The following DAPK1 variants were observed in gnomAD, a reference collection of about 807,000 sequenced individuals.
DAPK1 encodes the protein death associated protein kinase 1.
Under a neutral mutation model 144.9 loss-of-function variants are expected in DAPK1, and 56 were observed. The observed-to-expected ratio is 0.39, with a 90% CI of 0.31 to 0.48. The LOEUF is 0.48. DAPK1 is among the 20% of genes least tolerant of loss of function. The pLI, the probability that DAPK1 is intolerant of heterozygous loss-of-function variation, is 0.95. For synonymous variants in DAPK1, 690 were observed against 749.0 expected, an observed-to-expected ratio of 0.92 and a Z score of 1.29; for missense variants, 1,454 against 1,875.4, an observed-to-expected ratio of 0.78 and a Z score of 4.15.
intron 17 of DAPK1, 96 bp downstream of exon 17, chr9:87,651,820 C>A (rs1211175852): frequency 9.3e-7 from 1 of 1,077,220 alleles, no homozygotes; most frequent in Non-Finnish European, 1.4e-6. Flanking sequence ...ATCCCAGGTC[C>A]TGATTCTGTG....
chr9:87,551,436 G>A (rs547108248), intron 2 of DAPK1, among the ~76,000 whole-genome samples: 10 of 152,288 alleles, frequency 6.6e-5, no homozygotes, highest in South Asian at 6.2e-4. Context: ...GTGAGTCACC[G>A]TGCGCAGCCT....
intron 2 of DAPK1, among the ~76,000 whole-genome samples, chr9:87,573,727 C>T (rs141125417): frequency 1.8e-4 from 27 of 152,284 alleles, no homozygotes; most frequent in African/African-American, 5.1e-4. Context: ...TCCAATACTC[C>T]AAGTGTCCAG....
intron 2 of DAPK1, among the ~76,000 whole-genome samples, chr9:87,587,500 G>A (rs552844787): frequency 2.0e-4 from 31 of 152,170 alleles, no homozygotes; most frequent in Non-Finnish European, 3.5e-4. Context: ...TTTTTTCTGT[G>A]GCTCTCCAAG....
intron 3 of DAPK1, among the ~76,000 whole-genome samples, chr9:87,629,107 T>C (rs1325812549): frequency 2.0e-5 from 3 of 152,242 alleles, no homozygotes; most frequent in Non-Finnish European, 4.4e-5. Context: ...GAGATCATTC[T>C]TCTCATTGGT....
At chr9:87,512,730 G>A (rs932209642) in intron 2 of DAPK1, among the ~76,000 whole-genome samples, 23 of 152,016 alleles carry the variant, frequency 1.5e-4, no homozygotes, top group Admixed American at 7.2e-4. Context: ...TGCAACCTCC[G>A]CCTTCCAGGT....
In DAPK1 at chr9:87,648,887, G is replaced by A. The variant is rs994859020; in HGVS notation, c.1428+8G>A. The A allele has an allele frequency of 1.1e-5, 17 of 1,609,998 alleles. No individual in the cohort carries two copies. Among genetic ancestry groups the A allele is most frequent in the Admixed American group, 5.0e-5 (3 of 60,008 alleles). On this transcript the variant is annotated splice_region_variant and intron_variant, in intron 15 of 25. Transcript: ENST00000408954. The stretch of plus-strand genomic sequence containing the variant: ...CCCAATATCCAGGACAAGGTGGGTC[G>A]TGACTGACATCCTCCCTTCCTCTGC...
chr9:87,579,826 A>G (rs1827688485), intron 2 of DAPK1, among the ~76,000 whole-genome samples: 2 of 152,146 alleles, frequency 1.3e-5, no homozygotes, highest in East Asian at 3.8e-4. Context: ...CCAGCCATCC[A>G]TTCATTCATC....
In DAPK1 at chr9:87,707,721, C is replaced by T; in HGVS notation, c.*357C>T. The T allele has an allele frequency of 7.0e-6, 3 of 426,088 alleles. No individual in the cohort carries two copies. Among genetic ancestry groups the T allele is most frequent in the South Asian group, 5.9e-5 (3 of 51,248 alleles). 26.4% of individuals were successfully genotyped at this position (426,088 alleles called of 1,614,324 possible). A position where few individuals can be genotyped will look rare whatever the true frequency, so the allele number is the denominator to read the frequency against. ...AACTTTTCAATGACATTTTTTTTAACTACTATATTGATTGTCCTTTAAAAA... is the reference window on the plus strand; with the variant it reads ...AACTTTTCAATGACATTTTTTTTAATTACTATATTGATTGTCCTTTAAAAA... On this transcript the variant is annotated 3_prime_UTR_variant, in exon 26 of 26. Coordinates refer to ENST00000408954, the MANE Select transcript of DAPK1 (RefSeq NM_004938.4). This position sits in a 1 kb window ranked among gnomAD's most constrained non-coding sequence, Gnocchi z 4.0.
intron 17 of DAPK1, 63 bp from the exon 18 acceptor site, chr9:87,657,966 G>A (rs760899126): frequency 1.1e-4 from 84 of 732,900 alleles, no homozygotes; most frequent in South Asian, 2.5e-4. Context: ...TTGTGTCTCC[G>A]GAATGTCATC....
At chr9:87,703,375 C>T (rs1001330348) in intron 25 of DAPK1, among the ~76,000 whole-genome samples, 158 bp downstream of exon 25, 6 of 152,246 alleles carry the variant, frequency 3.9e-5, no homozygotes, top group Non-Finnish European at 8.8e-5. Context: ...AACACAGCCT[C>T]AAGTGACGCT....
At position 87,646,504 on chromosome 9, in the gene DAPK1, T is replaced by C; in HGVS notation, c.1175T>C (p.Ile392Thr). ...CTCATTGCTGCTGGCTGTGGGAATA[T>C]TCAAATACTACAGTTGCTCATTAAA... Reference protein sequence around the residue: ...PLLIAAGCGNIQILQLLIKRG... With the variant: ...PLLIAAGCGNTQILQLLIKRG... Residue 392 changes from isoleucine (I) to threonine (T), a missense_variant, in exon 13 of 26, where the codon ATT (isoleucine) becomes ACT (threonine). This residue lies in a region of DAPK1 where 429 missense variants were observed against 637.5 expected (regional missense o/e 0.67). Transcript: ENST00000408954. 1 of 1,614,080 alleles carries C rather than the reference T, an allele frequency of 6.2e-7. No individual in the cohort carries two copies. The highest frequency in any genetic ancestry group is 8.5e-7 in the Non-Finnish European group (1 of 1,179,924).
rs778980206 is a variant in DAPK1, at chr9:87,658,124, C to G, written c.1920C>G (p.Thr640=). Residue 640 remains threonine, a synonymous_variant, in exon 18 of 26, where the codon ACC becomes ACG. Transcript: ENST00000408954. ...TGGGAGCCAGCGTTGAGGCGCTGAC[C>G]ACGGTGAGTGCCCACAGGGCTTCGT... is the stretch of plus-strand genomic sequence containing the variant. ...CLMGASVEAL[T]TDGKTAEDLA... 1 of 1,308,672 alleles carries G rather than the reference C, an allele frequency of 7.6e-7. No homozygotes were observed. The highest frequency in any genetic ancestry group is 1.8e-4 in the Middle Eastern group (1 of 5,516). The allele number at this position is 1,308,672 out of a possible 1,614,324, so 81.1% of individuals were successfully genotyped here.
chr9:87,667,333 C>T (rs530453326), intron 18 of DAPK1, among the ~76,000 whole-genome samples: 6 of 152,320 alleles, frequency 3.9e-5, no homozygotes, highest in East Asian at 1.9e-4. Flanking sequence ...GGGCTTCAAC[C>T]GGCAGCCTAA....
At chr9:87,705,401 T>C (rs1387977042) in intron 25 of DAPK1, among the ~76,000 whole-genome samples, 1 of 152,072 alleles carries the variant, frequency 6.6e-6, no homozygotes, top group African/African-American at 2.4e-5. Flanking sequence ...TTTGTATTTT[T>C]AGAAGAGACA....
At chr9:87,584,049 A>G (rs1279285803) in intron 2 of DAPK1, among the ~76,000 whole-genome samples, 2 of 152,156 alleles carry the variant, frequency 1.3e-5, no homozygotes, top group African/African-American at 4.8e-5. Flanking sequence ...TCTTTTTTAA[A>G]TTATTTTTTT....
At chr9:87,694,444 G>T (rs1587850539) in intron 21 of DAPK1, among the ~76,000 whole-genome samples, 1 of 152,296 alleles carries the variant, frequency 6.6e-6, no homozygotes, top group East Asian at 1.9e-4. Context: ...CCCTGGTGGT[G>T]CATGTGATCC....
At chr9:87,590,369 C>CAA (rs200588801) in intron 2 of DAPK1, among the ~76,000 whole-genome samples, 51 of 85,708 alleles carry the variant, frequency 6.0e-4, no homozygotes, top group South Asian at 4.6e-3. Context: ...TCATTGGCCT[C>CAA]AAAAAAAAAA....
intron 2 of DAPK1, among the ~76,000 whole-genome samples, chr9:87,501,258 A>G (rs1824381128): frequency 6.6e-6 from 1 of 152,204 alleles, no homozygotes; most frequent in East Asian, 1.9e-4. Flanking sequence ...GGTGGCTCAC[A>G]CCTGTAATCC....
chr9:87,680,512 A>G (rs983718449), intron 19 of DAPK1, among the ~76,000 whole-genome samples: 1 of 152,242 alleles, frequency 6.6e-6, no homozygotes, highest in East Asian at 1.9e-4. Context: ...ATGAAGTTAA[A>G]TCAAAAGTGC....
Sources: gnomAD v4.1 joint callset for allele counts (sites outside exome capture counted in the v4.1 genomes callset) on GRCh38, gnomAD v4.1.1 for gene constraint, gnomAD v4.1.1 regional missense constraint, Gnocchi (gnomAD v3.1) non-coding constraint, MANE v1.5 for transcripts, NCBI Gene and HGNC (gene_info 2026-07-23, HGNC 2026-07-21) for gene names.